Variants in ZNF385D observed in about 807,000 individuals in gnomAD.
ZNF385D encodes zinc finger protein 385D, also known as zinc finger protein 659.
ZNF385D carries 15 observed loss-of-function variants against 35.8 expected under a neutral mutation model. The ratio of observed to expected loss-of-function variants is 0.42; its 90% CI spans 0.28 to 0.64. ZNF385D has a LOEUF of 0.64. ZNF385D is among the 30% of genes least tolerant of loss of function. The pLI is 0.23. For missense variants in ZNF385D, 474 were observed against 494.6 expected, an observed-to-expected ratio of 0.96 and a Z score of 0.39; for synonymous variants, 212 against 186.8, an observed-to-expected ratio of 1.13 and a Z score of -1.10.
chr3:22,127,173 G>A (rs539870892), intron 3 of ZNF385D, among the ~76,000 whole-genome samples: 4 of 151,950 alleles, frequency 2.6e-5, no homozygotes, highest in Admixed American at 2.0e-4. Flanking sequence ...GACATTCAAT[G>A]TTATTATTGA....
intron 4 of ZNF385D, among the ~76,000 whole-genome samples, chr3:21,497,723 C>A (rs1311769277): frequency 1.3e-5 from 2 of 151,978 alleles, no homozygotes; most frequent in Non-Finnish European, 2.9e-5. Flanking sequence ...GTGGCTCATG[C>A]CTGTAGTCCC....
intron 3 of ZNF385D, among the ~76,000 whole-genome samples, chr3:21,786,340 A>G (rs146436431): frequency 6.6e-6 from 1 of 152,326 alleles, no homozygotes; most frequent in East Asian, 1.9e-4. Context: ...CAGTCCAAGA[A>G]AAAGCCAAGA....
chr3:21,636,065 G>C (rs1435998568), intron 2 of ZNF385D, among the ~76,000 whole-genome samples: 1 of 151,730 alleles, frequency 6.6e-6, no homozygotes, highest in Non-Finnish European at 1.5e-5. Context: ...TTTCCTCTGG[G>C]TAGATACCCA....
chr3:22,011,309 G>GA (rs951142577), intron 3 of ZNF385D, among the ~76,000 whole-genome samples: 2 of 151,522 alleles, frequency 1.3e-5, no homozygotes, highest in Non-Finnish European at 2.9e-5. Flanking sequence ...TCTTATTTTA[G>GA]AAAAAAAAGA....
At chr3:22,260,334 C>A (rs923371657) in intron 2 of ZNF385D, among the ~76,000 whole-genome samples, 1 of 151,830 alleles carries the variant, frequency 6.6e-6, no homozygotes. Context: ...ACATCACACA[C>A]CAGGGCCTGT....
chr3:21,640,515 A>T (rs1418445200), intron 2 of ZNF385D, among the ~76,000 whole-genome samples: 2 of 152,070 alleles, frequency 1.3e-5, no homozygotes, highest in African/African-American at 4.8e-5. Context: ...TTTAGAGGCA[A>T]TCAGGAGGGT....
intron 2 of ZNF385D, among the ~76,000 whole-genome samples, chr3:22,254,001 T>C (rs1205871001): frequency 3.3e-5 from 5 of 152,076 alleles, no homozygotes; most frequent in African/African-American, 1.2e-4. Context: ...GAAATTTTGG[T>C]AGCTATGACT....
chr3:22,112,046 C>G (rs183714543), intron 3 of ZNF385D, among the ~76,000 whole-genome samples: 1 of 152,048 alleles, frequency 6.6e-6, no homozygotes, highest in Non-Finnish European at 1.5e-5. Context: ...CTTAAAGGAC[C>G]ACAACAAAAT....
At chr3:22,233,318 A>G (rs901113503) in intron 2 of ZNF385D, among the ~76,000 whole-genome samples, 2 of 132,586 alleles carry the variant, frequency 1.5e-5, no homozygotes, top group Non-Finnish European at 3.1e-5. Flanking sequence ...AAAGCCAGAC[A>G]CAAAAGGGTA....
chr3:21,577,423 A>G (rs190072519), intron 2 of ZNF385D, among the ~76,000 whole-genome samples: 20 of 152,290 alleles, frequency 1.3e-4, no homozygotes, highest in African/African-American at 4.3e-4. Flanking sequence ...TGGACACCCA[A>G]GTTAATTCCG....
chr3:22,166,963 GAGT>G (rs1169967775), intron 3 of ZNF385D, among the ~76,000 whole-genome samples: 1 of 152,224 alleles, frequency 6.6e-6, no homozygotes, highest in Non-Finnish European at 1.5e-5. Context: ...TAACAATAAG[GAGT>G]AGATTTTTCT....
chr3:21,805,047 C>T (rs2072575440), intron 3 of ZNF385D, among the ~76,000 whole-genome samples: 1 of 152,094 alleles, frequency 6.6e-6, no homozygotes, highest in Admixed American at 6.5e-5. Context: ...GTGAGAGGGG[C>T]TTATACCACT....
At chr3:21,663,106 C>T (rs2066287061) in intron 2 of ZNF385D, among the ~76,000 whole-genome samples, 1 of 151,962 alleles carries the variant, frequency 6.6e-6, no homozygotes, top group Admixed American at 6.6e-5. Context: ...CAACACACAA[C>T]GCTGCCTTTG....
chr3:21,867,339 C>G (rs987479079), intron 3 of ZNF385D, among the ~76,000 whole-genome samples: 1 of 152,108 alleles, frequency 6.6e-6, no homozygotes, highest in African/African-American at 2.4e-5. Context: ...TACATTCAGA[C>G]CTTAGCACCC....
At chr3:22,198,863 A>C (rs1319663850) in intron 2 of ZNF385D, among the ~76,000 whole-genome samples, 1 of 152,066 alleles carries the variant, frequency 6.6e-6, no homozygotes, top group Non-Finnish European at 1.5e-5. Flanking sequence ...AGCTGTTATT[A>C]GATTCATCAT....
At chr3:21,913,384 C>T (rs553574951) in intron 3 of ZNF385D, among the ~76,000 whole-genome samples, 24 of 152,188 alleles carry the variant, frequency 1.6e-4, no homozygotes, top group African/African-American at 5.8e-4. Flanking sequence ...TGGCACATTC[C>T]ATTTCCCCAA....
rs397827813 is a variant in ZNF385D, at chr3:21,479,161, T to TC, written c.439+31699dup. Among the ~76,000 whole-genome samples the TC allele has an allele frequency of 4.0e-5, 6 of 151,768 alleles. No individual in the cohort carries two copies. The East Asian group carries it at 1.2e-3, about 29-fold the overall frequency. ...AGTCTAGAAGTATTGTTTTTTTTTT[T>TC]CTACTGAAAGCTTTAGAGGAGTCTA... On this transcript the variant is annotated intron_variant, in intron 4 of 7. Transcript: ENST00000281523.
At chr3:21,575,016 C>T (rs1394025494) in intron 2 of ZNF385D, among the ~76,000 whole-genome samples, 2 of 152,006 alleles carry the variant, frequency 1.3e-5, no homozygotes, top group African/African-American at 4.8e-5. Flanking sequence ...CATAAAACAA[C>T]TGGAAGCAAA....
chr3:22,231,429 C>T (rs933439929), intron 2 of ZNF385D, among the ~76,000 whole-genome samples: 1 of 152,142 alleles, frequency 6.6e-6, no homozygotes, highest in East Asian at 1.9e-4. Flanking sequence ...GGAGCTGCCT[C>T]GCTCAAGTTA....
Sources: gnomAD v4.1 joint callset for allele counts (sites outside exome capture counted in the v4.1 genomes callset) on GRCh38, gnomAD v4.1.1 for gene constraint, MANE v1.5 for transcripts, NCBI Gene and HGNC (gene_info 2026-07-23, HGNC 2026-07-21) for gene names.